Variants in PXDNL observed in about 807,000 individuals in gnomAD.
PXDNL encodes probable oxidoreductase PXDNL.
PXDNL carries 145 observed loss-of-function variants against 150.8 expected under a neutral mutation model. The ratio of observed to expected loss-of-function variants is 0.96; its 90% CI spans 0.84 to 1.10. The LOEUF (loss-of-function observed/expected upper bound fraction) is 1.10, where lower values mean the gene tolerates loss of function less well. Among genes scored for constraint, PXDNL ranks in the 50% least tolerant of loss-of-function variants. PXDNL has a pLI of 0.00. For missense variants in PXDNL, 2,087 were observed against 1,873.9 expected (o/e 1.11, Z -2.10); for synonymous variants, 757 against 725.7 (o/e 1.04, Z -0.69).
At chr8:51,348,930 G>C (rs930063358) in intron 19 of PXDNL, among the ~76,000 whole-genome samples, 1 of 152,146 alleles carries the variant, frequency 6.6e-6, no homozygotes, top group African/African-American at 2.4e-5. Context: ...CTAGATTTCT[G>C]GCTTATGCAA....
At chr8:51,529,415 G>A in intron 4 of PXDNL, among the ~76,000 whole-genome samples, 1 of 152,128 alleles carries the variant, frequency 6.6e-6, no homozygotes. Context: ...TTGCCCACAG[G>A]TTATTACTCC....
chr8:51,333,209 C>T (rs1036937752), intron 21 of PXDNL, among the ~76,000 whole-genome samples: 3 of 152,166 alleles, frequency 2.0e-5, no homozygotes, highest in African/African-American at 7.2e-5. Context: ...AAACAATCTT[C>T]AGCCAAGAAT....
chr8:51,696,237 G>A (rs1165101238), intron 1 of PXDNL, among the ~76,000 whole-genome samples: 2 of 152,182 alleles, frequency 1.3e-5, no homozygotes, highest in Non-Finnish European at 2.9e-5. Flanking sequence ...TAGAGACAGG[G>A]CCTTCAGGGA....
chr8:51,429,860 C>G (rs1314420216), intron 12 of PXDNL, among the ~76,000 whole-genome samples: 1 of 151,872 alleles, frequency 6.6e-6, no homozygotes, highest in Non-Finnish European at 1.5e-5. Context: ...AGGTTCAGTT[C>G]CTCTGTTGGA....
At chr8:51,668,176 C>CTTTTGTTTTTTT (rs1815427311) in intron 1 of PXDNL, among the ~76,000 whole-genome samples, 1 of 77,386 alleles carries the variant, frequency 1.3e-5, no homozygotes, top group Non-Finnish European at 2.2e-5. Context: ...CTCGCTCTCT[C>CTTTTGTTTTTTT]TTTTTTTTTT....
chr8:51,500,944 C>T (rs1296137714), intron 4 of PXDNL, among the ~76,000 whole-genome samples: 1 of 152,120 alleles, frequency 6.6e-6, no homozygotes, highest in Non-Finnish European at 1.5e-5. Flanking sequence ...TACTTCATTC[C>T]TAGGCTTCCT....
At chr8:51,467,925 G>T (rs1265539116) in intron 8 of PXDNL, among the ~76,000 whole-genome samples, 1 of 151,960 alleles carries the variant, frequency 6.6e-6, no homozygotes, top group Non-Finnish European at 1.5e-5. Flanking sequence ...TACTTATTAA[G>T]TGCTGGTAAT....
chr8:51,580,762 C>T (rs1206985743), intron 3 of PXDNL, among the ~76,000 whole-genome samples: 1 of 152,050 alleles, frequency 6.6e-6, no homozygotes, highest in Non-Finnish European at 1.5e-5. Flanking sequence ...ATATGACAAA[C>T]TCAAATATTG....
At chr8:51,719,009 G>A (rs556517350) in intron 1 of PXDNL, among the ~76,000 whole-genome samples, 12 of 150,290 alleles carry the variant, frequency 8.0e-5, no homozygotes, top group African/African-American at 2.7e-4. Context: ...GCCCCCGATC[G>A]GCCAGCCGCC....
At chr8:51,364,904 C>T (rs1316882311) in intron 19 of PXDNL, among the ~76,000 whole-genome samples, 1 of 152,136 alleles carries the variant, frequency 6.6e-6, no homozygotes, top group African/African-American at 2.4e-5. Flanking sequence ...GCAGATAATA[C>T]TGTAAATGCT....
At chr8:51,653,094 GA>G (rs1260167120) in intron 2 of PXDNL, among the ~76,000 whole-genome samples, 1 of 152,154 alleles carries the variant, frequency 6.6e-6, no homozygotes, top group Admixed American at 6.5e-5. Context: ...AGACAGTGGT[GA>G]AAGGCTTCAC....
At chr8:51,796,295 A>G (rs2129259827) in intron 1 of PXDNL, among the ~76,000 whole-genome samples, 1 of 152,030 alleles carries the variant, frequency 6.6e-6, no homozygotes, top group African/African-American at 2.4e-5. Flanking sequence ...GGAATAACCA[A>G]GATCAGAGTG....
intron 1 of PXDNL, among the ~76,000 whole-genome samples, chr8:51,707,513 T>G (rs982479002): frequency 9.8e-5 from 15 of 152,370 alleles, no homozygotes; most frequent in South Asian, 8.3e-4. Flanking sequence ...GGTTTGGTTT[T>G]GTTTGTGGTA....
intron 1 of PXDNL, among the ~76,000 whole-genome samples, chr8:51,801,314 CCT>C (rs149838119): frequency 0.035 from 5,334 of 152,098 alleles, 315 homozygotes; most frequent in East Asian, 0.29. Context: ...GTTCTCGAAC[CCT>C]GTTTTCTGTT....
chr8:51,413,298 C>A (rs1400709847), intron 14 of PXDNL, 40 bp from the exon 15 acceptor site: 3 of 1,267,140 alleles, frequency 2.4e-6, no homozygotes, highest in Admixed American at 1.7e-5. Context: ...ATCAAACAGA[C>A]CTTGAAGTTA....
At chr8:51,445,458 G>A (rs1809653139) in intron 12 of PXDNL, among the ~76,000 whole-genome samples, 4 of 152,100 alleles carry the variant, frequency 2.6e-5, no homozygotes, top group South Asian at 2.1e-4. Context: ...TCTCACCTAC[G>A]GATATGTAGT....
At chr8:51,378,737 C>G (rs903232606) in intron 17 of PXDNL, among the ~76,000 whole-genome samples, 17 of 149,316 alleles carry the variant, frequency 1.1e-4, no homozygotes, top group Admixed American at 3.3e-4. Flanking sequence ...ACGGGAGGAA[C>G]GAACAACTCC....
intron 4 of PXDNL, among the ~76,000 whole-genome samples, chr8:51,528,534 T>C (rs1482468982): frequency 6.6e-6 from 1 of 152,216 alleles, no homozygotes; most frequent in African/African-American, 2.4e-5. Context: ...CAAACCTGAT[T>C]GTGTTACATT....
chr8:51,323,970 C>T (rs1051861475), intron 21 of PXDNL, among the ~76,000 whole-genome samples: 6 of 151,256 alleles, frequency 4.0e-5, no homozygotes, highest in African/African-American at 7.3e-5. Context: ...GAATCTTGTA[C>T]GGGTCATTAG....
Sources: allele counts gnomAD v4.1 joint callset (sites outside exome capture counted in the v4.1 genomes callset), GRCh38; gene constraint gnomAD v4.1.1; transcripts MANE v1.5; gene names NCBI Gene and HGNC (gene_info 2026-07-23, HGNC 2026-07-21).